SLC1A3: variants seen among roughly 807,000 people sequenced by gnomAD.
The protein encoded by SLC1A3 is solute carrier family 1 member 3.
In SLC1A3, 21 loss-of-function variants were observed where a neutral mutation model predicts 48.1. That is an observed-to-expected ratio of 0.44 (90% CI 0.31 to 0.63). The LOEUF is 0.63. Among genes scored for constraint, SLC1A3 ranks in the 20% least tolerant of loss-of-function variants. The probability of loss-of-function intolerance (pLI) is 0.08; values close to 1 mark genes in which losing one functional copy is unlikely to be tolerated. For missense variants in SLC1A3, 546 were observed against 689.0 expected, an observed-to-expected ratio of 0.79 and a Z score of 2.32; for synonymous variants, 239 against 251.4, an observed-to-expected ratio of 0.95 and a Z score of 0.47.
At chr5:36,598,908 G>A (rs574910190) in intron 1 of SLC1A3, among the ~76,000 whole-genome samples, 2 of 152,250 alleles carry the variant, frequency 1.3e-5, no homozygotes, top group South Asian at 2.1e-4. Flanking sequence ...GATTACAAGA[G>A]TGAGCCATGG....
At position 36,676,875 on chromosome 5, in the gene SLC1A3, T is replaced by C. The variant is rs1332795572; in HGVS notation, c.568-17T>C. ...TAAAAATCACCTTTAATCCTCGTTG[T>C]GCTTTTTATTTTTAAGTTTAAAACC... On this transcript the variant is annotated splice_polypyrimidine_tract_variant and intron_variant, in intron 5 of 9. Coordinates refer to ENST00000265113, the MANE Select transcript of SLC1A3 (RefSeq NM_004172.5). 1.9e-6 allele frequency: 3 copies of C among 1,601,916 alleles called. No individual in the cohort carries two copies. Among genetic ancestry groups the C allele is most frequent in the Middle Eastern group, 1.7e-4 (1 of 6,038 alleles).
chr5:36,654,909 G>A (rs1387329180), intron 3 of SLC1A3, among the ~76,000 whole-genome samples: 2 of 152,156 alleles, frequency 1.3e-5, no homozygotes, highest in African/African-American at 4.8e-5. Context: ...AGTGGTGCAG[G>A]GGACATTCGC....
chr5:36,659,355 T>C (rs1741414150), intron 3 of SLC1A3, among the ~76,000 whole-genome samples: 1 of 152,232 alleles, frequency 6.6e-6, no homozygotes, highest in Non-Finnish European at 1.5e-5. Context: ...CAGTAGGCTC[T>C]AATTTGACTG....
intron 6 of SLC1A3, among the ~76,000 whole-genome samples, chr5:36,678,868 T>A (rs1278892113): frequency 2.0e-5 from 3 of 152,208 alleles, no homozygotes; most frequent in African/African-American, 7.2e-5. Flanking sequence ...AGTACATACA[T>A]GCACATTATT....
intron 2 of SLC1A3, among the ~76,000 whole-genome samples, chr5:36,622,582 A>G (rs886353420): frequency 6.6e-6 from 1 of 152,200 alleles, no homozygotes; most frequent in African/African-American, 2.4e-5. Context: ...AAATTCTTAA[A>G]GTTGGTCTTT....
At chr5:36,656,352 T>C (rs1277749996) in intron 3 of SLC1A3, among the ~76,000 whole-genome samples, 2 of 152,218 alleles carry the variant, frequency 1.3e-5, no homozygotes, top group Non-Finnish European at 2.9e-5. Flanking sequence ...AAGCCCCCTC[T>C]CTCTAGAGCC....
chr5:36,647,948 G>A (rs1403218012), intron 3 of SLC1A3, among the ~76,000 whole-genome samples: 1 of 152,138 alleles, frequency 6.6e-6, no homozygotes, highest in East Asian at 1.9e-4. Context: ...TTATTGGGAG[G>A]AGACTAAAAT....
intron 1 of SLC1A3, among the ~76,000 whole-genome samples, chr5:36,598,110 G>C (rs955537494): frequency 6.6e-6 from 1 of 152,206 alleles, no homozygotes; most frequent in Non-Finnish European, 1.5e-5. Context: ...AGTCCCAGCA[G>C]AGCAGAATTG....
upstream of SLC1A3, among the ~76,000 whole-genome samples, chr5:36,603,942 T>C (rs1018524575): frequency 6.6e-6 from 1 of 152,218 alleles, no homozygotes; most frequent in Non-Finnish European, 1.5e-5. Context: ...TTAACCAAAA[T>C]TTCCTAATTT....
At chr5:36,673,711 A>T (rs1441866220) in intron 4 of SLC1A3, among the ~76,000 whole-genome samples, 2 of 152,216 alleles carry the variant, frequency 1.3e-5, no homozygotes, top group East Asian at 1.9e-4. Flanking sequence ...ACAATACCTT[A>T]GTTAGCCAGA....
At chr5:36,625,531 C>G (rs1355957117) in intron 2 of SLC1A3, among the ~76,000 whole-genome samples, 1 of 152,156 alleles carries the variant, frequency 6.6e-6, no homozygotes, top group East Asian at 1.9e-4. Flanking sequence ...TAAACACCAT[C>G]GTTAACACAT....
At chr5:36,684,031 G>A in intron 9 of SLC1A3, 33 bp downstream of exon 9, 1 of 1,613,956 alleles carries the variant, frequency 6.2e-7, no homozygotes, top group Non-Finnish European at 8.5e-7. Context: ...CCAGCTCACT[G>A]TCACAGGGTC....
In SLC1A3 at chr5:36,629,430, T is replaced by C. The variant is rs754031388; in HGVS notation, c.182-20T>C. ...AAAAGACTCAATTTTTCTTTTTCTT[T>C]TTTTTTTTTTTTCCTTCAGGTACAA... is the stretch of plus-strand genomic sequence containing the variant. On this transcript the variant is annotated intron_variant, in intron 2 of 9. Transcript: ENST00000265113. 2.3e-6 allele frequency: 3 copies of C among 1,289,502 alleles called. No homozygotes were observed. The highest frequency in any genetic ancestry group is 1.5e-5 in the African/African-American group (1 of 67,482). 79.9% of individuals were successfully genotyped at this position (1,289,502 alleles called of 1,614,324 possible).
chr5:36,674,114 C>G (rs773616587), intron 5 of SLC1A3, 23 bp downstream of exon 5: 2 of 1,601,520 alleles, frequency 1.2e-6, no homozygotes, highest in Admixed American at 1.7e-5. Context: ...CAGACATTAA[C>G]TTGCCTTTTA....
chr5:36,656,616 T>A (rs4869682), intron 3 of SLC1A3, among the ~76,000 whole-genome samples: 3 of 152,148 alleles, frequency 2.0e-5, no homozygotes, highest in Middle Eastern at 3.4e-3. Context: ...GAAGAGGAGC[T>A]ACTATTTGTA....
chr5:36,622,959 C>T (rs1352746237), intron 2 of SLC1A3, among the ~76,000 whole-genome samples: 2 of 150,036 alleles, frequency 1.3e-5, no homozygotes, highest in African/African-American at 4.9e-5. Context: ...TTGCAGTGAG[C>T]CGAGATCGCA....
chr5:36,682,084 T>C (rs1017070468), intron 8 of SLC1A3, among the ~76,000 whole-genome samples: 1 of 152,228 alleles, frequency 6.6e-6, no homozygotes, highest in Non-Finnish European at 1.5e-5. Flanking sequence ...TTTTTCTACA[T>C]AACCACAATA....
intron 2 of SLC1A3, among the ~76,000 whole-genome samples, chr5:36,628,722 A>T (rs538493866): frequency 6.6e-6 from 1 of 152,326 alleles, no homozygotes; most frequent in Admixed American, 6.5e-5. Context: ...TTCTAAAAAG[A>T]TTTTAAAGTT....
At chr5:36,656,518 G>C (rs1442616391) in intron 3 of SLC1A3, among the ~76,000 whole-genome samples, 1 of 152,176 alleles carries the variant, frequency 6.6e-6, no homozygotes, top group Non-Finnish European at 1.5e-5. Context: ...CATCATGTGT[G>C]GTTGAACATT....
Sources: allele counts gnomAD v4.1 joint callset (sites outside exome capture counted in the v4.1 genomes callset), GRCh38; gene constraint gnomAD v4.1.1; transcripts MANE v1.5; gene names NCBI Gene and HGNC (gene_info 2026-07-23, HGNC 2026-07-21).